Variants in PSD3 observed in about 807,000 individuals in gnomAD.
The protein encoded by PSD3 is pleckstrin and Sec7 domain containing 3.
PSD3 carries 49 observed loss-of-function variants against 105.5 expected under a neutral mutation model. The observed-to-expected ratio is 0.46, with a 90% confidence interval of 0.37 to 0.59. PSD3 has a LOEUF of 0.59. Ranked by LOEUF, PSD3 falls within the 20% of genes least tolerant of loss-of-function variation. The probability of loss-of-function intolerance (pLI) is 0.00; values close to 1 mark genes in which losing one functional copy is unlikely to be tolerated. For synonymous variants in PSD3, 557 were observed against 457.8 expected (o/e 1.22, Z -2.77); for missense variants, 1,561 against 1,263.8 (o/e 1.24, Z -3.57).
intron 9 of PSD3, among the ~76,000 whole-genome samples, chr8:18,699,527 T>G (rs1309499510): frequency 6.6e-6 from 1 of 152,260 alleles, no homozygotes; most frequent in South Asian, 2.1e-4. Context: ...TAGTGAAAAC[T>G]GGGGACTTAT....
chr8:18,891,723 A>C (rs893706948), intron 2 of PSD3, among the ~76,000 whole-genome samples: 4 of 152,194 alleles, frequency 2.6e-5, no homozygotes, highest in Admixed American at 6.5e-5. Context: ...TTCCAAACTG[A>C]CATTATCTAT....
At chr8:18,572,420 GT>G (rs2130331329) in intron 14 of PSD3, 107 bp downstream of exon 14, 1 of 1,352,004 alleles carries the variant, frequency 7.4e-7, no homozygotes, top group African/African-American at 1.5e-5. Flanking sequence ...ACAGGGCAAG[GT>G]CTCACACCTG....
At chr8:18,808,261 G>C (rs779634519) in intron 4 of PSD3, among the ~76,000 whole-genome samples, 1 of 152,138 alleles carries the variant, frequency 6.6e-6, no homozygotes, top group African/African-American at 2.4e-5. Flanking sequence ...GTCAAAGAAA[G>C]GATTTTCTTC....
At chr8:18,783,275 CTTACAGTAG>C (rs1427511501) in intron 8 of PSD3, among the ~76,000 whole-genome samples, 1 of 152,152 alleles carries the variant, frequency 6.6e-6, no homozygotes, top group East Asian at 1.9e-4. Context: ...ACAATATTCA[CTTACAGTAG>C]TTACTTCCAT....
rs142944606 is a variant in PSD3, at chr8:18,643,740, C to A, written c.2217-10934G>T. ...GTTGGGCCCCCAAGGCCTCAGGCAG[C>A]CCCAATCCTATGACTTCACTGGGCT... On this transcript the variant is annotated intron_variant, in intron 10 of 15. Transcript: ENST00000327040. Among the ~76,000 whole-genome samples, 1,008 of 152,362 alleles carry A rather than the reference C, an allele frequency of 6.6e-3. 7 individuals carry two copies. Among genetic ancestry groups the A allele is most frequent in the Middle Eastern group, 0.051 (15 of 294 alleles).
At chr8:18,895,921 T>C (rs965577466) in intron 2 of PSD3, among the ~76,000 whole-genome samples, 1 of 152,238 alleles carries the variant, frequency 6.6e-6, no homozygotes, top group Non-Finnish European at 1.5e-5. Context: ...AGCTGTACCT[T>C]TGTATCCTGT....
At chr8:19,080,152 G>A (rs977137384) in intron 1 of PSD3, among the ~76,000 whole-genome samples, 2 of 152,164 alleles carry the variant, frequency 1.3e-5, no homozygotes, top group Non-Finnish European at 2.9e-5. Context: ...GCCTCCCAAA[G>A]TGCTGGGATT....
intron 10 of PSD3, among the ~76,000 whole-genome samples, chr8:18,654,946 G>A (rs1355950860): frequency 6.6e-6 from 1 of 152,058 alleles, no homozygotes; most frequent in Non-Finnish European, 1.5e-5. Context: ...AAAATAAGTG[G>A]ATGATACCAA....
chr8:18,873,489 T>C (rs1432935249), intron 2 of PSD3, among the ~76,000 whole-genome samples: 1 of 152,118 alleles, frequency 6.6e-6, no homozygotes. Context: ...TACAACATAA[T>C]GTTTAATATA....
intron 1 of PSD3, among the ~76,000 whole-genome samples, chr8:19,053,714 G>T (rs116155714): frequency 1.3e-5 from 2 of 151,432 alleles, no homozygotes; most frequent in Non-Finnish European, 2.9e-5. Flanking sequence ...ATTGCAGTGA[G>T]ACTTCGTCTC....
intron 1 of PSD3, among the ~76,000 whole-genome samples, chr8:19,068,158 A>C (rs1256691005): frequency 6.6e-6 from 1 of 152,090 alleles, no homozygotes; most frequent in Non-Finnish European, 1.5e-5. Context: ...AGTCCCCAGG[A>C]CACATGAGAA....
rs562076090 is a variant in PSD3 at position 19,061,740 on chromosome 8, G to C, written c.324+22466C>G. Among the ~76,000 whole-genome samples the C allele has an allele frequency of 4.4e-4, 66 of 151,632 alleles. 1 individual carries two copies. Among genetic ancestry groups the C allele is most frequent in the Non-Finnish European group, 4.1e-4 (28 of 67,970 alleles). ...GAATCGCTTGACCCCAGGAGGCGGA[G>C]GTTGCAATGAGCCAAGATTGTGCCA... On this transcript the variant is annotated intron_variant, in intron 1 of 1. Coordinates refer to the PSD3 transcript ENST00000521475.
intron 9 of PSD3, among the ~76,000 whole-genome samples, chr8:18,764,716 C>G (rs964256541): frequency 6.6e-6 from 1 of 152,052 alleles, no homozygotes; most frequent in South Asian, 2.1e-4. Flanking sequence ...GAAATTGATT[C>G]CAAAAGAAAC....
At chr8:18,944,432 G>A (rs1291798626) in intron 1 of PSD3, among the ~76,000 whole-genome samples, 1 of 152,098 alleles carries the variant, frequency 6.6e-6, no homozygotes, top group African/African-American at 2.4e-5. Context: ...TTAGCCAGGT[G>A]TTGTGGTGCA....
intron 1 of PSD3, among the ~76,000 whole-genome samples, chr8:18,949,050 G>A (rs1226638303): frequency 3.4e-5 from 5 of 149,246 alleles, no homozygotes; most frequent in Admixed American, 6.7e-5. Flanking sequence ...GTGAAACCCC[G>A]TCTCTACTAA....
At chr8:18,950,468 C>G (rs900977362) in intron 1 of PSD3, among the ~76,000 whole-genome samples, 5 of 152,086 alleles carry the variant, frequency 3.3e-5, no homozygotes, top group African/African-American at 1.2e-4. Context: ...AACAAACAAG[C>G]AAAAAGAAAC....
chr8:19,023,280 C>A (rs1312408834), intron 1 of PSD3, among the ~76,000 whole-genome samples: 1 of 152,044 alleles, frequency 6.6e-6, no homozygotes, highest in Non-Finnish European at 1.5e-5. Flanking sequence ...CGTGGCCAGC[C>A]AAATTTAAAT....
intron 9 of PSD3, among the ~76,000 whole-genome samples, chr8:18,707,686 T>C (rs1031714538): frequency 2.0e-5 from 3 of 152,216 alleles, no homozygotes; most frequent in African/African-American, 7.2e-5. Context: ...CCATGTTTGT[T>C]ACCTCCTGCC....
At chr8:18,559,231 ACAG>A (rs1801251757) in intron 14 of PSD3, among the ~76,000 whole-genome samples, 1 of 152,196 alleles carries the variant, frequency 6.6e-6, no homozygotes, top group African/African-American at 2.4e-5. Flanking sequence ...TTACATTTCC[ACAG>A]CAGGTCTGAA....
Sources: gnomAD v4.1 joint callset for allele counts (sites outside exome capture counted in the v4.1 genomes callset) on GRCh38, gnomAD v4.1.1 for gene constraint, MANE v1.5 for transcripts, NCBI Gene and HGNC (gene_info 2026-07-23, HGNC 2026-07-21) for gene names.